The following ZFYVE9 variants were observed in gnomAD, a reference collection of about 807,000 sequenced individuals.
ZFYVE9 encodes zinc finger FYVE domain-containing protein 9.
In ZFYVE9, 43 loss-of-function variants were observed where a neutral mutation model predicts 126.7. The ratio of observed to expected loss-of-function variants is 0.34; its 90% CI spans 0.27 to 0.44. ZFYVE9 has a LOEUF of 0.44. Among genes scored for constraint, ZFYVE9 ranks in the 20% least tolerant of loss-of-function variants. ZFYVE9 has a pLI of 1.00. For synonymous variants in ZFYVE9, 521 were observed against 597.4 expected (o/e 0.87, Z 1.87); for missense variants, 1,476 against 1,697.0 (o/e 0.87, Z 2.29).
intron 1 of ZFYVE9, among the ~76,000 whole-genome samples, chr1:52,173,026 T>C (rs1427394325): frequency 4.6e-5 from 7 of 151,358 alleles, no homozygotes; most frequent in Non-Finnish European, 1.0e-4. Context: ...TGGCCAGAAC[T>C]TCCAACACTA....
At chr1:52,157,866 C>T (rs1009452955) in intron 1 of ZFYVE9, among the ~76,000 whole-genome samples, 3 of 152,106 alleles carry the variant, frequency 2.0e-5, no homozygotes, top group African/African-American at 4.8e-5. Flanking sequence ...TTTAGAGGAG[C>T]GCCACCACTG....
Position 52,281,628 on chromosome 1 carries a change from GTCTT to G in ZFYVE9, c.2870-31_2870-28del, listed in dbSNP as rs1443527865. The stretch of plus-strand genomic sequence containing the variant: ...TTTAAGAGTAAGGATTGATAGGAAT[GTCTT>G]TATTTTTGTGTTTTTATTCCATCTG... On this transcript the variant is annotated intron_variant, in intron 9 of 18. Coordinates refer to ENST00000287727, the MANE Select transcript of ZFYVE9 (RefSeq NM_004799.4). 1.9e-6 allele frequency: 3 copies of G among 1,609,518 alleles called. No homozygotes were observed. In the Admixed American group the frequency reaches 5.1e-5, roughly 27 times the overall value.
At chr1:52,341,651 T>A (rs1226401418) in intron 17 of ZFYVE9, among the ~76,000 whole-genome samples, 2 of 152,228 alleles carry the variant, frequency 1.3e-5, no homozygotes, top group African/African-American at 4.8e-5. Flanking sequence ...AAAAAAATTC[T>A]ACGACTTCTG....
At chr1:52,306,495 C>T (rs1006725883) in intron 13 of ZFYVE9, among the ~76,000 whole-genome samples, 1 of 152,242 alleles carries the variant, frequency 6.6e-6, no homozygotes, top group Non-Finnish European at 1.5e-5. Flanking sequence ...CACTTGTCTG[C>T]ATACCTCATT....
intron 13 of ZFYVE9, among the ~76,000 whole-genome samples, chr1:52,312,372 G>T (rs544423153): frequency 6.6e-6 from 1 of 152,254 alleles, no homozygotes; most frequent in East Asian, 1.9e-4. Context: ...GACTCATGAG[G>T]TTATTTGGTT....
intron 13 of ZFYVE9, among the ~76,000 whole-genome samples, chr1:52,322,281 G>A (rs1646247691): frequency 6.6e-6 from 1 of 151,862 alleles, no homozygotes; most frequent in Admixed American, 6.6e-5. Flanking sequence ...GACCAGTCTG[G>A]TCTCTGACCT....
At chr1:52,214,680 G>T (rs1298034603) in intron 1 of ZFYVE9, among the ~76,000 whole-genome samples, 1 of 152,150 alleles carries the variant, frequency 6.6e-6, no homozygotes, top group African/African-American at 2.4e-5. Context: ...GTGTGTGTGT[G>T]TGTGTTTAAA....
intron 16 of ZFYVE9, among the ~76,000 whole-genome samples, 192 bp from the exon 17 acceptor site, chr1:52,339,934 A>G (rs1304524976): frequency 6.6e-6 from 1 of 152,210 alleles, no homozygotes; most frequent in African/African-American, 2.4e-5. Flanking sequence ...CAGTGCATAG[A>G]TTCTTTCCCA....
At chr1:52,251,203 T>C (rs931125786) in intron 4 of ZFYVE9, among the ~76,000 whole-genome samples, 1 of 151,932 alleles carries the variant, frequency 6.6e-6, no homozygotes, top group Non-Finnish European at 1.5e-5. Context: ...TCCTGAGTAG[T>C]TGGGATTACA....
At chr1:52,255,947 T>TCTTTTCTTTTCTTTTCTTTTC (rs1557484104) in intron 4 of ZFYVE9, among the ~76,000 whole-genome samples, 88 of 121,376 alleles carry the variant, frequency 7.3e-4, no homozygotes, top group Non-Finnish European at 1.1e-3. Context: ...TCTTTTCTTT[T>TCTTTTCTTTTCTTTTCTTTTC]CTTTTCTTTT....
chr1:52,211,862 A>G (rs950464209), intron 1 of ZFYVE9, among the ~76,000 whole-genome samples: 1 of 152,196 alleles, frequency 6.6e-6, no homozygotes. Flanking sequence ...CTCACAAATA[A>G]TTCTTCTGTT....
rs538673661 is a variant in ZFYVE9, at chr1:52,238,708, A to C, written c.1291A>C (p.Thr431Pro). The C allele has an allele frequency of 1.2e-6, 2 of 1,614,126 alleles. No individual in the cohort carries two copies. Among genetic ancestry groups the C allele is most frequent in the South Asian group, 2.2e-5 (2 of 91,072 alleles). The part of the protein sequence containing the change: ...KFLQISQPED[T>P]NGDSGGQCVG... ...TCTACAGATTAGTCAGCCTGAGGAC[A>C]CTAATGGTGATAGTGGAGGACAGTG... Residue 431 changes from threonine to proline, a missense_variant, in exon 4 of 19, where the codon ACT (threonine) becomes CCT (proline). Coordinates refer to ENST00000287727, the MANE Select transcript of ZFYVE9 (RefSeq NM_004799.4).
intron 7 of ZFYVE9, among the ~76,000 whole-genome samples, chr1:52,269,113 C>T (rs930623256): frequency 5.3e-5 from 8 of 152,126 alleles, no homozygotes; most frequent in Non-Finnish European, 7.4e-5. Flanking sequence ...CCCAAGTCCA[C>T]ATTTTACATT....
intron 12 of ZFYVE9, among the ~76,000 whole-genome samples, chr1:52,300,965 T>C (rs569428878): frequency 4.0e-5 from 6 of 150,992 alleles, no homozygotes; most frequent in Non-Finnish European, 8.8e-5. Flanking sequence ...GCTCAAGCAA[T>C]GCTCCCACCT....
At chr1:52,279,590 A>G (rs1468152497) in intron 9 of ZFYVE9, among the ~76,000 whole-genome samples, 15 of 152,180 alleles carry the variant, frequency 9.9e-5, no homozygotes, top group South Asian at 2.1e-4. Flanking sequence ...CAGCCTCCCA[A>G]GTAGCTGAGA....
chr1:52,328,496 T>C (rs1646312337), intron 13 of ZFYVE9, among the ~76,000 whole-genome samples: 1 of 152,204 alleles, frequency 6.6e-6, no homozygotes. Flanking sequence ...TATTCATTTA[T>C]CTCTAAAGAA....
intron 5 of ZFYVE9, among the ~76,000 whole-genome samples, 189 bp from the exon 6 acceptor site, chr1:52,266,466 G>T (rs1226429976): frequency 7.2e-6 from 1 of 139,474 alleles, no homozygotes; most frequent in Non-Finnish European, 1.5e-5. Context: ...CAACCAAATA[G>T]TTTACTTGGC....
intron 13 of ZFYVE9, among the ~76,000 whole-genome samples, chr1:52,321,198 A>C (rs1256743564): frequency 6.6e-6 from 1 of 152,182 alleles, no homozygotes. Flanking sequence ...TTTAATTTGA[A>C]ACTACACATA....
At chr1:52,179,698 A>G in intron 1 of ZFYVE9, 1 of 328,938 alleles carries the variant, frequency 3.0e-6, no homozygotes, top group Non-Finnish European at 5.6e-6. Flanking sequence ...GACAAAGAAA[A>G]GAAGAGGAAA....
Sources: allele counts gnomAD v4.1 joint callset (sites outside exome capture counted in the v4.1 genomes callset), GRCh38; gene constraint gnomAD v4.1.1; transcripts MANE v1.5; gene names NCBI Gene and HGNC (gene_info 2026-07-23, HGNC 2026-07-21).